SOX5: variants seen among roughly 807,000 people sequenced by gnomAD.
SOX5 encodes the protein transcription factor SOX-5.
SOX5 carries 9 observed loss-of-function variants against 92.0 expected under a neutral mutation model. The ratio of observed to expected loss-of-function variants is 0.10; its 90% CI spans 0.06 to 0.17. The LOEUF (loss-of-function observed/expected upper bound fraction) is 0.17, where lower values mean the gene tolerates loss of function less well. SOX5 is among the 10% of genes least tolerant of loss of function. SOX5 has a pLI of 1.00. For missense variants in SOX5, 642 were observed against 944.5 expected, an observed-to-expected ratio of 0.68 and a Z score of 4.20; for synonymous variants, 344 against 336.3, an observed-to-expected ratio of 1.02 and a Z score of -0.25.
In SOX5 at chr12:23,908,053, T is replaced by C. The variant is rs180720541; in HGVS notation, c.39-12029A>G. Among the ~76,000 whole-genome samples, 23 of 152,280 alleles carry C rather than the reference T, an allele frequency of 1.5e-4. No homozygotes were observed. In the East Asian group the frequency reaches 4.4e-3, roughly 29 times the overall value. ...ACATTACTGGCTAAGTCTAAATAAA[T>C]AGCGAATTGTTCCATAATCAAAAGT... On this transcript the variant is annotated intron_variant, in intron 1 of 14. Coordinates refer to ENST00000451604, the MANE Select transcript of SOX5 (RefSeq NM_006940.6).
intron 4 of SOX5, among the ~76,000 whole-genome samples, chr12:24,138,721 T>C (rs1283322454): frequency 6.6e-6 from 1 of 152,220 alleles, no homozygotes; most frequent in Non-Finnish European, 1.5e-5. Context: ...CCTTCAGTTC[T>C]GAGTGTACCC....
chr12:24,327,385 C>CTTTTTTTTTTTTTTTTTTTTTTTTTTTTT (rs71063311), intron 2 of SOX5, among the ~76,000 whole-genome samples: 1 of 56,656 alleles, frequency 1.8e-5, no homozygotes, highest in African/African-American at 6.5e-5. Flanking sequence ...GCAATGGAGA[C>CTTTTTTTTTTTTTTTTTTTTTTTTTTTTT]TTTTTTTTTT....
intron 1 of SOX5, among the ~76,000 whole-genome samples, chr12:23,907,494 T>C (rs1197581874): frequency 6.6e-6 from 1 of 152,114 alleles, no homozygotes; most frequent in Non-Finnish European, 1.5e-5. Context: ...TTTTAACCCA[T>C]GAAAAGGAAA....
chr12:23,579,035 G>A (rs1949671664), intron 9 of SOX5, among the ~76,000 whole-genome samples: 1 of 152,176 alleles, frequency 6.6e-6, no homozygotes, highest in Admixed American at 6.5e-5. Flanking sequence ...TGAGCACAGA[G>A]GAAACACAGT....
chr12:23,609,840 C>T (rs2137697104), intron 8 of SOX5, among the ~76,000 whole-genome samples: 1 of 152,218 alleles, frequency 6.6e-6, no homozygotes, highest in East Asian at 1.9e-4. Context: ...CCACCACCAC[C>T]AACATAAGCT....
intron 13 of SOX5, among the ~76,000 whole-genome samples, chr12:23,540,361 T>TATGATA (rs1555131851): frequency 4.9e-5 from 7 of 142,796 alleles, no homozygotes; most frequent in Non-Finnish European, 7.6e-5. Context: ...AAACTTAAAG[T>TATGATA]ATAATAATAA....
chr12:24,164,990 A>AT (rs1318037848), intron 4 of SOX5, among the ~76,000 whole-genome samples: 2 of 152,120 alleles, frequency 1.3e-5, no homozygotes, highest in South Asian at 2.1e-4. Context: ...GTTTAAAGGC[A>AT]TTTTTTTAGT....
chr12:24,071,568 G>C (rs1387740072), intron 4 of SOX5, among the ~76,000 whole-genome samples: 1 of 141,414 alleles, frequency 7.1e-6, no homozygotes, highest in Non-Finnish European at 1.6e-5. Context: ...CTGAGTAGCT[G>C]GGATACAGGC....
At chr12:24,190,219 G>C (rs1225134390) in intron 4 of SOX5, among the ~76,000 whole-genome samples, 1 of 152,112 alleles carries the variant, frequency 6.6e-6, no homozygotes, top group Admixed American at 6.6e-5. Context: ...TTACCCAAAA[G>C]TTCTTATGCT....
At chr12:24,060,877 A>G (rs994970891) in intron 4 of SOX5, among the ~76,000 whole-genome samples, 3 of 152,238 alleles carry the variant, frequency 2.0e-5, no homozygotes, top group African/African-American at 7.2e-5. Flanking sequence ...ACGAGAGACG[A>G]TGACAGCAAC....
At chr12:24,426,890 A>T (rs1966836229) in intron 1 of SOX5, among the ~76,000 whole-genome samples, 1 of 152,064 alleles carries the variant, frequency 6.6e-6, no homozygotes, top group Admixed American at 6.5e-5. Flanking sequence ...GTAAACTTTG[A>T]TTCATGCCTA....
chr12:23,937,751 T>A (rs996742207), intron 1 of SOX5, among the ~76,000 whole-genome samples: 2 of 150,846 alleles, frequency 1.3e-5, no homozygotes, highest in Non-Finnish European at 3.0e-5. Flanking sequence ...TAGAAGAGAT[T>A]ATGGAGGGAA....
intron 1 of SOX5, among the ~76,000 whole-genome samples, chr12:24,450,509 TATTG>T (rs1942138719): frequency 6.7e-6 from 1 of 150,010 alleles, no homozygotes; most frequent in African/African-American, 2.5e-5. Flanking sequence ...TTTATTTATT[TATTG>T]AGACAGAGTC....
upstream of SOX5, among the ~76,000 whole-genome samples, chr12:23,953,348 T>C (rs1418471512): frequency 6.6e-6 from 1 of 152,104 alleles, no homozygotes; most frequent in Non-Finnish European, 1.5e-5. Context: ...TATGTGTTCA[T>C]GACTAGCGCA....
At chr12:23,893,692 A>T (rs952828645) in intron 2 of SOX5, among the ~76,000 whole-genome samples, 3 of 152,174 alleles carry the variant, frequency 2.0e-5, no homozygotes, top group Non-Finnish European at 4.4e-5. Flanking sequence ...ATACTTTCTG[A>T]AAGAGGACAG....
chr12:23,938,852 A>T (rs2139459518), intron 1 of SOX5, among the ~76,000 whole-genome samples: 1 of 151,120 alleles, frequency 6.6e-6, no homozygotes, highest in African/African-American at 2.4e-5. Context: ...ACAAAACTAA[A>T]ATATAAGTAA....
intron 1 of SOX5, among the ~76,000 whole-genome samples, chr12:24,433,105 AC>A (rs1294180220): frequency 1.3e-5 from 2 of 152,368 alleles, no homozygotes; most frequent in African/African-American, 4.8e-5. Context: ...AAAATAAAAA[AC>A]AATCTATATG....
chr12:23,598,566 T>C (rs1003507756), intron 9 of SOX5, among the ~76,000 whole-genome samples: 12 of 151,456 alleles, frequency 7.9e-5, no homozygotes, highest in Non-Finnish European at 7.4e-5. Context: ...GCCCGGCTAA[T>C]TTTTTGTATT....
At chr12:24,166,905 G>C (rs954025591) in intron 4 of SOX5, among the ~76,000 whole-genome samples, 10 of 152,238 alleles carry the variant, frequency 6.6e-5, no homozygotes, top group African/African-American at 2.4e-4. Flanking sequence ...TATTTACTTG[G>C]AACTGGAATG....
Sources: gnomAD v4.1 joint callset for allele counts (sites outside exome capture counted in the v4.1 genomes callset) on GRCh38, gnomAD v4.1.1 for gene constraint, MANE v1.5 for transcripts, NCBI Gene and HGNC (gene_info 2026-07-23, HGNC 2026-07-21) for gene names.